Variants in PDE4D observed in about 807,000 individuals in gnomAD.
The protein encoded by PDE4D is 3',5'-cyclic-AMP phosphodiesterase 4D.
Under a neutral mutation model 87.4 loss-of-function variants are expected in PDE4D, and 24 were observed. The observed-to-expected ratio is 0.27, with a 90% CI of 0.20 to 0.39. The LOEUF is 0.39. Ranked by LOEUF, PDE4D falls within the 10% of genes least tolerant of loss-of-function variation. PDE4D has a pLI of 1.00. For missense variants in PDE4D, 714 were observed against 1,041.0 expected, an observed-to-expected ratio of 0.69 and a Z score of 4.32; for synonymous variants, 384 against 383.2, an observed-to-expected ratio of 1.00 and a Z score of -0.02.
At chr5:60,508,806 C>T (rs1750432513) in intron 1 of PDE4D, among the ~76,000 whole-genome samples, 2 of 152,166 alleles carry the variant, frequency 1.3e-5, no homozygotes, top group South Asian at 4.1e-4. Flanking sequence ...ACACTAAACA[C>T]CCTGCCAGCA....
chr5:60,149,551 T>C (rs1345982020), intron 2 of PDE4D, among the ~76,000 whole-genome samples: 2 of 152,162 alleles, frequency 1.3e-5, no homozygotes, highest in African/African-American at 4.8e-5. Context: ...TCCAGCCTAC[T>C]AGCTACTTTT....
chr5:59,710,392 C>T (rs1249072673), intron 1 of PDE4D, among the ~76,000 whole-genome samples: 1 of 152,040 alleles, frequency 6.6e-6, no homozygotes, highest in Non-Finnish European at 1.5e-5. Flanking sequence ...ATTCTTTATC[C>T]AAAATGTAAT....
At chr5:59,473,910 A>G (rs2153653065) in intron 1 of PDE4D, among the ~76,000 whole-genome samples, 1 of 152,296 alleles carries the variant, frequency 6.6e-6, no homozygotes, top group African/African-American at 2.4e-5. Context: ...CTCCTGAATA[A>G]AAAAGGCAGC....
In PDE4D at chr5:59,638,553, AC is replaced by A. The variant is rs572969189; in HGVS notation, c.455+254614del. Reference sequence around the variant, plus strand: ...TGAGAACAAGTAACTCCTATCAGGGACCTTAAATGAGAGAGATACGGAGCTT... The same window carrying A: ...TGAGAACAAGTAACTCCTATCAGGGACTTAAATGAGAGAGATACGGAGCTT... On this transcript the variant is annotated intron_variant, in intron 1 of 14. Transcript: ENST00000340635. Among the ~76,000 whole-genome samples the A allele has an allele frequency of 3.2e-3, 488 of 152,254 alleles. 6 individuals carry two copies. The highest frequency in any genetic ancestry group is 0.011 in the African/African-American group (454 of 41,570).
intron 1 of PDE4D, among the ~76,000 whole-genome samples, chr5:60,446,468 T>TG (rs1334706128): frequency 9.2e-5 from 14 of 152,016 alleles, no homozygotes; most frequent in African/African-American, 1.7e-4. Context: ...GTTCGTTAAA[T>TG]GGGGGGGAAA....
At chr5:59,842,383 C>T (rs1184044515) in intron 1 of PDE4D, among the ~76,000 whole-genome samples, 2 of 152,022 alleles carry the variant, frequency 1.3e-5, no homozygotes, top group Non-Finnish European at 2.9e-5. Flanking sequence ...AGTCTGTTTT[C>T]TATTCCTAAA....
At chr5:59,603,639 T>C (rs544639218) in intron 1 of PDE4D, among the ~76,000 whole-genome samples, 1 of 152,114 alleles carries the variant, frequency 6.6e-6, no homozygotes, top group East Asian at 1.9e-4. Context: ...GCAATCCCAC[T>C]ACTAGGTATA....
chr5:60,000,537 T>C (rs1763925235), intron 2 of PDE4D, among the ~76,000 whole-genome samples: 1 of 152,202 alleles, frequency 6.6e-6, no homozygotes, highest in African/African-American at 2.4e-5. Flanking sequence ...AAGGTAGTTC[T>C]TTAGCACTAG....
At chr5:60,050,067 G>C (rs1180660536) in intron 2 of PDE4D, among the ~76,000 whole-genome samples, 1 of 152,194 alleles carries the variant, frequency 6.6e-6, no homozygotes, top group Non-Finnish European at 1.5e-5. Flanking sequence ...ATAATCTCCT[G>C]GTGCCGTTTT....
At chr5:59,910,817 GTAAAGT>G (rs1267278329) in intron 3 of PDE4D, among the ~76,000 whole-genome samples, 3 of 152,164 alleles carry the variant, frequency 2.0e-5, no homozygotes, top group Non-Finnish European at 4.4e-5. Context: ...TGTCTTAAAT[GTAAAGT>G]CAGAATTTAC....
At chr5:60,114,886 A>G (rs539578523) in intron 2 of PDE4D, among the ~76,000 whole-genome samples, 3 of 151,058 alleles carry the variant, frequency 2.0e-5, no homozygotes, top group Admixed American at 6.6e-5. Flanking sequence ...ATGTGTGTGT[A>G]TATATATATG....
chr5:60,105,198 A>G (rs1048029995), intron 2 of PDE4D, among the ~76,000 whole-genome samples: 1 of 152,240 alleles, frequency 6.6e-6, no homozygotes, highest in African/African-American at 2.4e-5. Context: ...CCAAGGCTTG[A>G]GAACTACGTG....
At chr5:59,434,370 C>G (rs1233493679) in intron 1 of PDE4D, among the ~76,000 whole-genome samples, 1 of 151,046 alleles carries the variant, frequency 6.6e-6, no homozygotes, top group Non-Finnish European at 1.5e-5. Flanking sequence ...TAAGAATTGA[C>G]TGAACGATTT....
At chr5:59,611,976 GCT>G (rs1458173718) in intron 1 of PDE4D, among the ~76,000 whole-genome samples, 1 of 152,128 alleles carries the variant, frequency 6.6e-6, no homozygotes, top group East Asian at 1.9e-4. Context: ...TAGAGCTTCT[GCT>G]CTCTTATTTT....
intron 1 of PDE4D, among the ~76,000 whole-genome samples, chr5:59,692,536 A>C (rs1397436552): frequency 6.6e-6 from 1 of 152,158 alleles, no homozygotes; most frequent in Non-Finnish European, 1.5e-5. Flanking sequence ...TTTAATATAC[A>C]TCAAGAAGAT....
At chr5:60,520,680 A>G (rs16878205) in intron 1 of PDE4D, among the ~76,000 whole-genome samples, 13,119 of 152,288 alleles carry the variant, frequency 0.086, 1,629 homozygotes, top group African/African-American at 0.28. Context: ...GGCTTGATTC[A>G]GGAAAAGAAG....
chr5:59,531,665 T>C (rs1318890125), intron 1 of PDE4D, among the ~76,000 whole-genome samples: 1 of 152,160 alleles, frequency 6.6e-6, no homozygotes, highest in Non-Finnish European at 1.5e-5. Context: ...CCCCCTTCTT[T>C]CATTTCCAAA....
At chr5:60,318,013 C>T (rs1401828880) in intron 1 of PDE4D, among the ~76,000 whole-genome samples, 1 of 152,148 alleles carries the variant, frequency 6.6e-6, no homozygotes, top group Admixed American at 6.5e-5. Context: ...CTGCTTGGTG[C>T]AGAGCTGAGT....
chr5:59,444,282 A>T (rs73758701), intron 1 of PDE4D, among the ~76,000 whole-genome samples: 2,748 of 152,308 alleles, frequency 0.018, 97 homozygotes, highest in African/African-American at 0.061. Context: ...TAGATATGGA[A>T]AAATTGGAAT....
Sources: allele counts gnomAD v4.1 joint callset (sites outside exome capture counted in the v4.1 genomes callset), GRCh38; gene constraint gnomAD v4.1.1; transcripts MANE v1.5; gene names NCBI Gene and HGNC (gene_info 2026-07-23, HGNC 2026-07-21).